FMN2: variants seen among roughly 807,000 people sequenced by gnomAD.
FMN2 encodes formin-2.
Under a neutral mutation model 142.3 loss-of-function variants are expected in FMN2, and 51 were observed. That is an observed-to-expected ratio of 0.36 (90% CI 0.29 to 0.45). FMN2 has a LOEUF of 0.45. FMN2 is among the 20% of genes least tolerant of loss of function. FMN2 has a pLI of 1.00. For synonymous variants in FMN2, 882 were observed against 869.8 expected (o/e 1.01, Z -0.25); for missense variants, 1,936 against 2,122.8 (o/e 0.91, Z 1.73).
At chr1:240,188,517 T>C (rs1558347941) in intron 4 of FMN2, among the ~76,000 whole-genome samples, 1 of 152,188 alleles carries the variant, frequency 6.6e-6, no homozygotes, top group Non-Finnish European at 1.5e-5. Flanking sequence ...GCCAAAGAGT[T>C]GGGCCCAATA....
intron 16 of FMN2, among the ~76,000 whole-genome samples, chr1:240,440,807 T>C (rs12137510): frequency 0.14 from 20,620 of 152,102 alleles, 1,952 homozygotes; most frequent in East Asian, 0.31. Flanking sequence ...ACTCTGTTCC[T>C]TTCCTTAGTG....
At chr1:240,175,687 C>T (rs1664885088) in intron 2 of FMN2, among the ~76,000 whole-genome samples, 1 of 149,492 alleles carries the variant, frequency 6.7e-6, no homozygotes, top group South Asian at 2.2e-4. Context: ...TGCCATGTTG[C>T]CCAGGCTGGT....
At chr1:240,264,272 C>G (rs149210200) in intron 7 of FMN2, among the ~76,000 whole-genome samples, 166 of 152,138 alleles carry the variant, frequency 1.1e-3, no homozygotes, top group African/African-American at 3.9e-3. Flanking sequence ...AGCTGAGAAG[C>G]CTTATTCTGA....
At chr1:240,401,123 TAAA>T (rs58819518) in intron 15 of FMN2, 4,737 of 140,210 alleles carry the variant, frequency 0.034, 211 homozygotes, top group African/African-American at 0.11. Context: ...ACACCCCATC[TAAA>T]AAAAAAAAAA....
At position 240,229,335 on chromosome 1, in the gene FMN2, C is replaced by A. The variant is rs555435782; in HGVS notation, c.4065+18100C>A. Among the ~76,000 whole-genome samples, 25 of 152,180 alleles carry A rather than the reference C, an allele frequency of 1.6e-4. 1 individual carries two copies. The South Asian group carries it at 4.1e-3, about 25-fold the overall frequency. Reference sequence around the variant, plus strand: ...ATTAGCCCATACCCCACCATTCTTCCCCCTCTTCCTCACCTTATCCATCTC... The same window carrying A: ...ATTAGCCCATACCCCACCATTCTTCACCCTCTTCCTCACCTTATCCATCTC... On this transcript the variant is annotated intron_variant, in intron 6 of 17. Transcript: ENST00000319653.
Position 240,302,711 on chromosome 1 carries a change from C to G in FMN2, c.4215+7828C>G, listed in dbSNP as rs1327402025. Among the ~76,000 whole-genome samples, 5 of 152,030 alleles carry G rather than the reference C, an allele frequency of 3.3e-5. No individual in the cohort carries two copies. In the East Asian group the frequency reaches 7.7e-4, roughly 23 times the overall value. The stretch of plus-strand genomic sequence containing the variant: ...CTTAGTCATACATTCTAGAGAAACT[C>G]TTTCAAAACCAGTTTTCCAACCATC... On this transcript the variant is annotated intron_variant, in intron 8 of 17. Coordinates refer to ENST00000319653, the MANE Select transcript of FMN2 (RefSeq NM_020066.5).
At chr1:240,218,007 G>A (rs1189991738) in intron 6 of FMN2, among the ~76,000 whole-genome samples, 1 of 152,060 alleles carries the variant, frequency 6.6e-6, no homozygotes, top group East Asian at 1.9e-4. Flanking sequence ...ATTCTGGGCT[G>A]GGCGCAGTGG....
intron 2 of FMN2, among the ~76,000 whole-genome samples, chr1:240,139,965 G>A (rs1030652172): frequency 2.6e-5 from 4 of 152,174 alleles, no homozygotes; most frequent in Non-Finnish European, 4.4e-5. Flanking sequence ...AAGGTCTGGA[G>A]GCTGAGGGGG....
At chr1:240,305,380 C>T (rs527905585) in intron 8 of FMN2, among the ~76,000 whole-genome samples, 4 of 152,250 alleles carry the variant, frequency 2.6e-5, no homozygotes, top group South Asian at 2.1e-4. Context: ...TGAAAGCATG[C>T]GTTTCCCAGT....
At chr1:240,470,372 T>A (rs9727156) in intron 16 of FMN2, among the ~76,000 whole-genome samples, 1 of 151,996 alleles carries the variant, frequency 6.6e-6, no homozygotes, top group African/African-American at 2.4e-5. Flanking sequence ...AGGCAATTTA[T>A]GGCTTGGGTG....
At chr1:240,442,078 T>C (rs1191603461) in intron 16 of FMN2, among the ~76,000 whole-genome samples, 1 of 152,176 alleles carries the variant, frequency 6.6e-6, no homozygotes. Context: ...CACATGTGTC[T>C]GTACCTGTCC....
chr1:240,415,530 T>TTA (rs1553376449), intron 15 of FMN2, among the ~76,000 whole-genome samples: 6 of 140,784 alleles, frequency 4.3e-5, no homozygotes, highest in Middle Eastern at 7.5e-3. Flanking sequence ...TTAAGTATAA[T>TTA]AAAAAAAAAA....
chr1:240,142,923 G>T, intron 2 of FMN2: 1 of 1,605,746 alleles, frequency 6.2e-7, no homozygotes, highest in Non-Finnish European at 8.5e-7. Flanking sequence ...GGGCCGCATG[G>T]CAGCCACCAG....
rs755731026 is a variant in FMN2 at position 240,092,266 on chromosome 1, G to A, written c.157G>A (p.Gly53Arg). 6.6e-7 allele frequency: 1 copy of A among 1,516,418 alleles called. No homozygotes were observed. Among genetic ancestry groups the A allele is most frequent in the Non-Finnish European group, 8.8e-7 (1 of 1,136,186 alleles). 93.9% of individuals were successfully genotyped at this position (1,516,418 alleles called of 1,614,324 possible). Reference sequence around the variant, plus strand: ...GCTAGGCAAGCACGGCAAGGGGGGAGGGGGCGGCGGCGGCGGCGGGGAGTC... The same window carrying A: ...GCTAGGCAAGCACGGCAAGGGGGGAAGGGGCGGCGGCGGCGGCGGGGAGTC... ...KALGKHGKGGGGGGGGGESGK... is the reference protein window; with the variant it reads ...KALGKHGKGGRGGGGGGESGK... The change falls in exon 1 of 18, where the codon GGG becomes AGG. Residue 53 changes from glycine to arginine, a missense_variant. This residue lies in a region of FMN2 where 751 missense variants were observed against 791.8 expected (regional missense o/e 0.95). Transcript: ENST00000319653.
chr1:240,405,155 A>T (rs1034020476), intron 15 of FMN2, among the ~76,000 whole-genome samples: 15 of 152,204 alleles, frequency 9.9e-5, no homozygotes, highest in South Asian at 2.1e-4. Flanking sequence ...TAATGAAATC[A>T]CTGTGTGTTT....
At chr1:240,359,532 C>T (rs1375559703) in intron 14 of FMN2, among the ~76,000 whole-genome samples, 1 of 152,134 alleles carries the variant, frequency 6.6e-6, no homozygotes, top group African/African-American at 2.4e-5. Flanking sequence ...CTGTGGTCCA[C>T]ACTCTAAGAG....
At chr1:240,446,828 G>A (rs945513) in intron 16 of FMN2, among the ~76,000 whole-genome samples, 114,650 of 152,032 alleles carry the variant, frequency 0.75, 43,231 homozygotes, top group Admixed American at 0.82. Context: ...GACATGCTCC[G>A]GGCTAACTCT....
In FMN2 at chr1:240,144,280, G is replaced by A. The variant is rs185134977; in HGVS notation, c.1782+20935G>A. ...AGGAGGCCAGGTTCATGCGGGCAGA[G>A]TCCACCTGAGAGCCACTGCCCCCAA... is the stretch of plus-strand genomic sequence containing the variant. On this transcript the variant is annotated intron_variant, in intron 2 of 17. Transcript: ENST00000319653. 3.4e-5 allele frequency: 54 copies of A among 1,604,760 alleles called. No homozygotes were observed. In the East Asian group the frequency reaches 1.1e-3, roughly 33 times the overall value.
intron 15 of FMN2, among the ~76,000 whole-genome samples, chr1:240,427,019 C>T (rs532714053): frequency 6.6e-5 from 10 of 151,794 alleles, no homozygotes; most frequent in South Asian, 2.1e-4. Flanking sequence ...GGATCGCAAG[C>T]GTGAGCTACC....
Sources: gnomAD v4.1 joint callset for allele counts (sites outside exome capture counted in the v4.1 genomes callset) on GRCh38, gnomAD v4.1.1 for gene constraint, gnomAD v4.1.1 regional missense constraint, MANE v1.5 for transcripts, NCBI Gene and HGNC (gene_info 2026-07-23, HGNC 2026-07-21) for gene names.